ANXA4: variants seen among roughly 807,000 people sequenced by gnomAD.
ANXA4 encodes 35-beta calcimedin.
ANXA4 carries 39 observed loss-of-function variants against 49.8 expected under a neutral mutation model. The ratio of observed to expected loss-of-function variants is 0.78; its 90% CI spans 0.61 to 1.02. The LOEUF is 1.02. Among genes scored for constraint, ANXA4 ranks in the 50% least tolerant of loss-of-function variants. The pLI is 0.00. For missense variants in ANXA4, 360 were observed against 410.1 expected (o/e 0.88, Z 1.05); for synonymous variants, 134 against 152.5 (o/e 0.88, Z 0.89).
At chr2:69,818,766 G>A (rs1674108936) in intron 10 of ANXA4, 72 bp downstream of exon 10, 2 of 911,730 alleles carry the variant, frequency 2.2e-6, no homozygotes, top group African/African-American at 1.7e-5. Flanking sequence ...TGCAATATGG[G>A]GATATAGAAT....
At chr2:69,740,903 G>A (rs1670377600), upstream of ANXA4, among the ~76,000 whole-genome samples, 1 of 147,658 alleles carries the variant, frequency 6.8e-6, no homozygotes, top group African/African-American at 2.5e-5. Context: ...CATTGGCCAG[G>A]CTTATCTCGA....
chr2:69,716,425 C>T (rs1669628614), intron 2 of ANXA4, among the ~76,000 whole-genome samples: 1 of 152,152 alleles, frequency 6.6e-6, no homozygotes, highest in Admixed American at 6.5e-5. Flanking sequence ...GTGAACGTAA[C>T]AGCAGCTGCA....
chr2:69,791,239 CTG>C (rs1454454075), intron 3 of ANXA4, among the ~76,000 whole-genome samples: 2 of 152,174 alleles, frequency 1.3e-5, no homozygotes, highest in Non-Finnish European at 2.9e-5. Flanking sequence ...TGTATGGAGA[CTG>C]TGTAGACAGA....
intron 11 of ANXA4, 113 bp from the exon 12 acceptor site, chr2:69,820,586 G>C (rs1674191088): frequency 7.0e-6 from 9 of 1,294,212 alleles, no homozygotes; most frequent in African/African-American, 4.4e-5. Context: ...CCAAGTAGTG[G>C]AGCAAAGGAC....
chr2:69,701,666 T>C (rs1678333071), intron 2 of ANXA4, among the ~76,000 whole-genome samples: 1 of 152,152 alleles, frequency 6.6e-6, no homozygotes, highest in Admixed American at 6.6e-5. Flanking sequence ...AGCAAGTAGG[T>C]CCAGCCACAT....
At chr2:69,760,854 A>C (rs1671255031) in intron 1 of ANXA4, among the ~76,000 whole-genome samples, 1 of 152,150 alleles carries the variant, frequency 6.6e-6, no homozygotes, top group South Asian at 2.1e-4. Flanking sequence ...ATATGTGTAG[A>C]GTTTGCTATG....
intron 1 of ANXA4, among the ~76,000 whole-genome samples, chr2:69,772,540 TG>T (rs1223158892): frequency 2.6e-5 from 4 of 151,560 alleles, no homozygotes; most frequent in Non-Finnish European, 4.4e-5. Flanking sequence ...AATTGTGTTT[TG>T]GGGGGTGCAT....
chr2:69,668,169 A>G (rs552113025), intron 2 of ANXA4, among the ~76,000 whole-genome samples: 1 of 152,338 alleles, frequency 6.6e-6, no homozygotes, highest in East Asian at 1.9e-4. Flanking sequence ...TTATAAGTCC[A>G]TGCTTATCTG....
At chr2:69,647,650 C>G (rs1457142375) in intron 1 of ANXA4, among the ~76,000 whole-genome samples, 2 of 152,022 alleles carry the variant, frequency 1.3e-5, no homozygotes, top group African/African-American at 2.4e-5. Flanking sequence ...CTCAGGCCAT[C>G]CACCCACCTT....
chr2:69,795,332 C>T (rs745349102), intron 3 of ANXA4, among the ~76,000 whole-genome samples: 13 of 152,150 alleles, frequency 8.5e-5, no homozygotes, highest in Non-Finnish European at 1.6e-4. Flanking sequence ...CAGGATGTAA[C>T]GGTATGCAGA....
intron 5 of ANXA4, among the ~76,000 whole-genome samples, chr2:69,807,555 C>G (rs1339455048): frequency 1.3e-5 from 2 of 152,142 alleles, no homozygotes; most frequent in African/African-American, 2.4e-5. Context: ...GGGCCAGGCT[C>G]TGGGAAAGCA....
At position 69,760,998 on chromosome 2, in the gene ANXA4, T is replaced by TTAAATAAA. The variant is rs200501616; in HGVS notation, c.-47+18828_-47+18829insAAATAAAT. Among the ~76,000 whole-genome samples, 3 of 36,724 alleles carry TTAAATAAA rather than the reference T, an allele frequency of 8.2e-5. 1 individual carries two copies. Among genetic ancestry groups the TTAAATAAA allele is most frequent in the Non-Finnish European group, 1.1e-4 (2 of 18,116 alleles). The allele number at this position is 36,724 out of a possible 152,430, so 24.1% of individuals were successfully genotyped here. A position where few individuals can be genotyped will look rare whatever the true frequency, so the allele number is the denominator to read the frequency against. The stretch of plus-strand genomic sequence containing the variant: ...GCAACATAGTGACACCTCGTCTCTA[T>TTAAATAAA]TAAATTAATTAATTAATTAATTAAT... On this transcript the variant is annotated intron_variant, in intron 1 of 12. Coordinates refer to ENST00000394295, the MANE Select transcript of ANXA4 (RefSeq NM_001153.5).
In ANXA4 at chr2:69,819,806, G is replaced by A. The variant is rs998491839; in HGVS notation, c.783+468G>A. Among the ~76,000 whole-genome samples the A allele has an allele frequency of 2.0e-5, 3 of 152,228 alleles. No homozygotes were observed. The South Asian group carries it at 6.2e-4, about 32-fold the overall frequency. ...TCTTTGGCCAGGTGCGGTGGCTCACGCCTGTAATCCCAGCACTTTGGGAGG... is the reference window on the plus strand; with the variant it reads ...TCTTTGGCCAGGTGCGGTGGCTCACACCTGTAATCCCAGCACTTTGGGAGG... On this transcript the variant is annotated intron_variant, in intron 11 of 12. Transcript: ENST00000394295.
chr2:69,764,562 G>C (rs771925793), intron 1 of ANXA4, among the ~76,000 whole-genome samples: 4 of 152,258 alleles, frequency 2.6e-5, no homozygotes, highest in Non-Finnish European at 5.9e-5. Context: ...CTTAGGTTGA[G>C]AACTTGACCT....
chr2:69,751,884 T>C (rs1037633475), intron 1 of ANXA4, among the ~76,000 whole-genome samples: 1 of 152,204 alleles, frequency 6.6e-6, no homozygotes, highest in Non-Finnish European at 1.5e-5. Flanking sequence ...TTATTTATTA[T>C]ATATGTAAGT....
At chr2:69,772,751 G>C (rs981081768) in intron 1 of ANXA4, among the ~76,000 whole-genome samples, 3 of 152,092 alleles carry the variant, frequency 2.0e-5, no homozygotes, top group African/African-American at 7.2e-5. Context: ...AGGCGCAGTG[G>C]CTCACACCTG....
In ANXA4 at chr2:69,825,804, CACAG is replaced by C. The variant is rs1674447408; in HGVS notation, c.*293_*296del. Reference sequence around the variant, plus strand: ...AAAGATTACTTTCTACTTTGTGTTTCACAGACATTGAATATATTAAATTATTCCA... The same window carrying C: ...AAAGATTACTTTCTACTTTGTGTTTCACATTGAATATATTAAATTATTCCA... On this transcript the variant is annotated 3_prime_UTR_variant, in exon 13 of 13. Transcript: ENST00000394295. The C allele has an allele frequency of 3.9e-6, 1 of 259,038 alleles. No homozygotes were observed. The highest frequency in any genetic ancestry group is 7.2e-6 in the Non-Finnish European group (1 of 138,804). The allele number at this position is 259,038 out of a possible 1,614,324, so 16.0% of individuals were successfully genotyped here.
chr2:69,695,866 C>T (rs10865379), intron 2 of ANXA4, among the ~76,000 whole-genome samples: 62,711 of 151,952 alleles, frequency 0.41, 17,011 homozygotes, highest in African/African-American at 0.76. Flanking sequence ...AATAGCATTA[C>T]GTCTTAAAAA....
chr2:69,806,630 A>C, intron 5 of ANXA4, 132 bp downstream of exon 5: 1 of 679,626 alleles, frequency 1.5e-6, no homozygotes. Flanking sequence ...TGGATAAAGA[A>C]AATGTGGTAC....
Sources: gnomAD v4.1 joint callset for allele counts (sites outside exome capture counted in the v4.1 genomes callset) on GRCh38, gnomAD v4.1.1 for gene constraint, MANE v1.5 for transcripts, NCBI Gene and HGNC (gene_info 2026-07-23, HGNC 2026-07-21) for gene names.